CROCC2: variants seen among roughly 807,000 people sequenced by gnomAD.
CROCC2 encodes the protein ciliary rootlet coiled-coil protein 2.
A neutral mutation model predicts 177.6 loss-of-function variants in CROCC2; 163 were observed. The observed-to-expected ratio is 0.92, with a 90% confidence interval of 0.81 to 1.05. The LOEUF (loss-of-function observed/expected upper bound fraction) is 1.05. Among genes scored for constraint, CROCC2 ranks in the 50% least tolerant of loss-of-function variants. CROCC2 has a pLI of 0.00. For missense variants in CROCC2, 1,929 were observed against 1,797.8 expected, an observed-to-expected ratio of 1.07 and a Z score of -1.32; for synonymous variants, 904 against 787.3, an observed-to-expected ratio of 1.15 and a Z score of -2.48.
At chr2:240,964,748 A>C in intron 22 of CROCC2, 123 bp downstream of exon 22, 1 of 1,219,724 alleles carries the variant, frequency 8.2e-7, no homozygotes, top group Non-Finnish European at 1.1e-6. Flanking sequence ...CTGTCCCCAG[A>C]CTTTGGGCCA....
At position 240,968,114 on chromosome 2, in the gene CROCC2, C is replaced by T. The variant is rs1371616909; in HGVS notation, c.4268-15C>T. 7.0e-7 allele frequency: 1 copy of T among 1,426,522 alleles called. No homozygotes were observed. Among genetic ancestry groups the T allele is most frequent in the Non-Finnish European group, 9.2e-7 (1 of 1,091,288 alleles). The allele number at this position is 1,426,522 out of a possible 1,614,324, so 88.4% of individuals were successfully genotyped here. A position where few individuals can be genotyped will look rare whatever the true frequency, so the allele number is the denominator to read the frequency against. ...GGGCATGGGGGCCCCTCAAGCCACCCTGCTTGCCCCACAGGCCAGCGCCGG... is the reference window on the plus strand; with the variant it reads ...GGGCATGGGGGCCCCTCAAGCCACCTTGCTTGCCCCACAGGCCAGCGCCGG... On this transcript the variant is annotated splice_polypyrimidine_tract_variant and intron_variant, in intron 26 of 31. Transcript: ENST00000690015.
intron 5 of CROCC2, among the ~76,000 whole-genome samples, 183 bp downstream of exon 5, chr2:240,926,063 G>A (rs973062850): frequency 2.6e-5 from 4 of 152,234 alleles, no homozygotes; most frequent in Non-Finnish European, 5.9e-5. Flanking sequence ...TGTGGAGTGA[G>A]GGACTTCGTG....
rs562682397 is a variant in CROCC2, at chr2:240,965,399, G to A, written c.3484G>A (p.Glu1162Lys). 206 of 1,549,550 alleles carry A rather than the reference G, an allele frequency of 1.3e-4. No homozygotes were observed. In the African/African-American group the frequency reaches 2.5e-3, roughly 19 times the overall value. The change falls in exon 23 of 32, where the codon GAG (glutamate) becomes AAG (lysine). Residue 1162 changes from glutamate to lysine, a missense_variant. By Grantham distance (56) the Glu-to-Lys change is moderately conservative (BLOSUM62 1). Around this residue, in one of 3 missense-constraint regions of CROCC2, gnomAD observed 1,397 missense variants for 1,239.9 expected, o/e 1.13. Coordinates refer to ENST00000690015, the MANE Select transcript of CROCC2 (RefSeq NM_001351305.2). ...LHRQVRTLKA[E>K]NQRRSGEAHE... ...CTCCCAGGTGAGGACACTGAAGGCC[G>A]AGAACCAGAGGAGGAGTGGAGAGGC... is the stretch of plus-strand genomic sequence containing the variant.
Position 240,993,059 on chromosome 2 carries a change from C to T in CROCC2, c.4947-7C>T, listed in dbSNP as rs1574804878. On this transcript the variant is annotated splice_region_variant and splice_polypyrimidine_tract_variant and intron_variant, in intron 31 of 31. Coordinates refer to ENST00000690015, the MANE Select transcript of CROCC2 (RefSeq NM_001351305.2). ...GTGTCCACGCCTCCCTCTTTGCATC[C>T]CTGCAGCGCCCAAAGGGACTGAAGC... 1.4e-6 allele frequency: 1 copy of T among 716,950 alleles called. No homozygotes were observed. 44.4% of individuals were successfully genotyped at this position (716,950 alleles called of 1,614,324 possible). A position where few individuals can be genotyped will look rare whatever the true frequency, so the allele number is the denominator to read the frequency against.
At chr2:240,938,728 T>C (rs2059482342) in intron 14 of CROCC2, among the ~76,000 whole-genome samples, 1 of 152,070 alleles carries the variant, frequency 6.6e-6, no homozygotes, top group Admixed American at 6.5e-5. Flanking sequence ...ATGTCTTTAC[T>C]TTCTTTCTCT....
intron 30 of CROCC2, 99 bp from the exon 31 acceptor site, chr2:240,991,097 C>T (rs1222103485): frequency 3.5e-6 from 3 of 850,180 alleles, no homozygotes; most frequent in East Asian, 6.1e-5. Context: ...GGACCATGGC[C>T]TCCAGCCCTT....
At chr2:240,983,755 C>T (rs2059818216) in intron 28 of CROCC2, 1 of 540,998 alleles carries the variant, frequency 1.8e-6, no homozygotes, top group South Asian at 1.8e-5. Flanking sequence ...CCAGTGGTGT[C>T]GTGTGCGCCC....
intron 28 of CROCC2, chr2:240,983,722 G>T (rs754252020): frequency 1.5e-4 from 136 of 900,160 alleles, no homozygotes; most frequent in Non-Finnish European, 2.0e-4. Context: ...GGGTCAGGAC[G>T]CCCGCAGGTG....
intron 4 of CROCC2, among the ~76,000 whole-genome samples, chr2:240,925,070 A>C (rs2059387208): frequency 6.6e-6 from 1 of 151,424 alleles, no homozygotes; most frequent in Non-Finnish European, 1.5e-5. Context: ...AGTCTCCCAG[A>C]CCTGGGGAGG....
intron 14 of CROCC2, 89 bp from the exon 15 acceptor site, chr2:240,945,971 T>C: frequency 9.7e-7 from 1 of 1,026,930 alleles, no homozygotes. Flanking sequence ...TCACTTCTTC[T>C]GAAGTCCTTT....
In CROCC2 at chr2:240,919,348, G is replaced by A. The variant is rs761475553; in HGVS notation, c.229+472G>A. On this transcript the variant is annotated intron_variant, in intron 2 of 31. Transcript: ENST00000690015. ...CTTCATTGGTGGTTTCTTCCTCAGC[G>A]TGGAAATGCTGGACACTGGCACTCA... is the stretch of plus-strand genomic sequence containing the variant. 5.3e-5 allele frequency among the ~76,000 whole-genome samples: 8 copies of A among 152,102 alleles called. No homozygotes were observed. The South Asian group carries it at 1.0e-3, about 20-fold the overall frequency.
Position 240,935,392 on chromosome 2 carries a change from G to T in CROCC2, c.1973G>T (p.Arg658Leu), listed in dbSNP as rs73107807. 1 of 1,368,566 alleles carries T rather than the reference G, an allele frequency of 7.3e-7. No individual in the cohort carries two copies. Among genetic ancestry groups the T allele is most frequent in the Non-Finnish European group, 9.5e-7 (1 of 1,055,464 alleles). The allele number at this position is 1,368,566 out of a possible 1,614,324, so 84.8% of individuals were successfully genotyped here. A position where few individuals can be genotyped will look rare whatever the true frequency, so the allele number is the denominator to read the frequency against. The change falls in exon 14 of 32, where the codon CGG becomes CTG. Residue 658 changes from arginine (R) to leucine (L), a missense_variant. Around this residue, in one of 3 missense-constraint regions of CROCC2, gnomAD observed 1,397 missense variants for 1,239.9 expected, o/e 1.13. Transcript: ENST00000690015. The part of the protein sequence containing the change: ...EQERDQLREQ[R>L]KTLEQERARA... Reference sequence around the variant, plus strand: ...GAGCGGGACCAGCTGCGGGAACAGCGGAAGACTCTGGAGCAGGAACGGGCC... The same window carrying T: ...GAGCGGGACCAGCTGCGGGAACAGCTGAAGACTCTGGAGCAGGAACGGGCC...
intron 1 of CROCC2, among the ~76,000 whole-genome samples, chr2:240,909,760 T>G (rs2059275820): frequency 6.6e-6 from 1 of 152,154 alleles, no homozygotes; most frequent in Admixed American, 6.5e-5. Flanking sequence ...ACACCTGTTA[T>G]TTTTGCTGTA....
intron 10 of CROCC2, 30 bp from the exon 11 acceptor site, chr2:240,933,640 C>A: frequency 5.2e-6 from 8 of 1,546,986 alleles, no homozygotes; most frequent in Non-Finnish European, 6.1e-6. Flanking sequence ...GTGTCCAGGG[C>A]CGCCCCAACT....
At chr2:240,952,510 G>A (rs2059563212) in intron 18 of CROCC2, among the ~76,000 whole-genome samples, 1 of 152,260 alleles carries the variant, frequency 6.6e-6, no homozygotes, top group Non-Finnish European at 1.5e-5. Flanking sequence ...GGGTTGTGCA[G>A]TGCACCTGCT....
At chr2:240,984,552 C>T (rs915335310) in intron 28 of CROCC2, among the ~76,000 whole-genome samples, 1 of 110,366 alleles carries the variant, frequency 9.1e-6, no homozygotes, top group Non-Finnish European at 1.9e-5. Flanking sequence ...GGCACTCACT[C>T]CACACACACC....
intron 3 of CROCC2, among the ~76,000 whole-genome samples, chr2:240,921,102 T>C (rs2059354954): frequency 1.3e-5 from 2 of 152,168 alleles, no homozygotes; most frequent in Admixed American, 1.3e-4. Context: ...CTGAAGCAGA[T>C]CTGGCCCCTT....
chr2:240,980,098 CAT>C lies in CROCC2; in HGVS notation c.4402-2781_4402-2780del, dbSNP rs746713205. Among the ~76,000 whole-genome samples the C allele has an allele frequency of 2.7e-3, 190 of 70,702 alleles. No individual in the cohort carries two copies. The East Asian group carries it at 0.055, about 21-fold the overall frequency. 46.4% of individuals were successfully genotyped at this position (70,702 alleles called of 152,430 possible). A position where few individuals can be genotyped will look rare whatever the true frequency, so the allele number is the denominator to read the frequency against. ...GGTAGGAGCCTCAGGATCCCAGGCT[CAT>C]CCCTGCTCAGTCTCTGGGGTAGGAG... is the stretch of plus-strand genomic sequence containing the variant. On this transcript the variant is annotated intron_variant, in intron 27 of 31. Transcript: ENST00000690015.
chr2:240,935,164 C>A, intron 13 of CROCC2, 102 bp downstream of exon 13: 2 of 1,286,834 alleles, frequency 1.6e-6, no homozygotes, highest in South Asian at 5.1e-5. Context: ...CAGATCACTT[C>A]CTCTCCTGGT....
Sources: allele counts gnomAD v4.1 joint callset (sites outside exome capture counted in the v4.1 genomes callset), GRCh38; gene constraint gnomAD v4.1.1; regional missense constraint gnomAD v4.1.1; transcripts MANE v1.5; gene names NCBI Gene and HGNC (gene_info 2026-07-23, HGNC 2026-07-21).